Variants in EYA4 observed in about 807,000 individuals in gnomAD.
EYA4 encodes the protein EYA transcriptional coactivator and phosphatase 4.
Under a neutral mutation model 87.9 loss-of-function variants are expected in EYA4, and 31 were observed. That is an observed-to-expected ratio of 0.35 (90% CI 0.27 to 0.48). The LOEUF is 0.48. Ranked by LOEUF, EYA4 falls within the 20% of genes least tolerant of loss-of-function variation. The probability of loss-of-function intolerance (pLI) is 0.99; values close to 1 mark genes in which losing one functional copy is unlikely to be tolerated. For missense variants in EYA4, 678 were observed against 761.4 expected (o/e 0.89, Z 1.29); for synonymous variants, 263 against 270.6 (o/e 0.97, Z 0.28).
intron 2 of EYA4, among the ~76,000 whole-genome samples, chr6:133,353,204 A>T (rs1337071443): frequency 6.6e-6 from 1 of 152,040 alleles, no homozygotes; most frequent in African/African-American, 2.4e-5. Context: ...TGTCTACTTG[A>T]CCCATAAGTT....
intron 2 of EYA4, among the ~76,000 whole-genome samples, chr6:133,318,418 G>A (rs918166923): frequency 1.2e-4 from 18 of 152,170 alleles, no homozygotes; most frequent in Admixed American, 8.5e-4. Context: ...ATTTGCCGGT[G>A]GAGGTAAACA....
At chr6:133,389,484 G>T (rs1389122041) in intron 3 of EYA4, among the ~76,000 whole-genome samples, 1 of 152,154 alleles carries the variant, frequency 6.6e-6, no homozygotes. Context: ...ATACAGCACA[G>T]GGCCTAGCAC....
At chr6:133,381,075 CTTTT>C (rs5880181) in intron 2 of EYA4, among the ~76,000 whole-genome samples, 11 of 96,840 alleles carry the variant, frequency 1.1e-4, no homozygotes, top group Non-Finnish European at 1.9e-4. Context: ...TTTTTTTTTT[CTTTT>C]TTTTTTTTTT....
At chr6:133,273,601 A>G (rs1776917230) in intron 1 of EYA4, among the ~76,000 whole-genome samples, 2 of 152,198 alleles carry the variant, frequency 1.3e-5, no homozygotes, top group Non-Finnish European at 2.9e-5. Context: ...TGTGACTTCA[A>G]TGATTATGTT....
intron 3 of EYA4, among the ~76,000 whole-genome samples, chr6:133,429,732 C>T (rs551491645): frequency 9.9e-5 from 15 of 152,098 alleles, no homozygotes; most frequent in Non-Finnish European, 2.1e-4. Flanking sequence ...CTTTGAGTGA[C>T]CAGTTGTATG....
chr6:133,431,120 G>T (rs1165410056), intron 3 of EYA4, among the ~76,000 whole-genome samples: 1 of 152,154 alleles, frequency 6.6e-6, no homozygotes, highest in Non-Finnish European at 1.5e-5. Flanking sequence ...GGGGAGATGG[G>T]ATGTAGGGAA....
chr6:133,483,524 A>G (rs755409619), intron 13 of EYA4, among the ~76,000 whole-genome samples: 1 of 151,988 alleles, frequency 6.6e-6, no homozygotes, highest in Non-Finnish European at 1.5e-5. Flanking sequence ...TTCGTCTGAC[A>G]GATCTTTTGG....
chr6:133,461,060 T>C, intron 6 of EYA4, 54 bp from the exon 7 acceptor site: 3 of 1,144,220 alleles, frequency 2.6e-6, no homozygotes, highest in Non-Finnish European at 4.0e-6. Context: ...TACACTCTAG[T>C]GAAATGTATT....
chr6:133,292,829 G>A (rs1778597471), intron 2 of EYA4, among the ~76,000 whole-genome samples: 1 of 152,140 alleles, frequency 6.6e-6, no homozygotes, highest in Non-Finnish European at 1.5e-5. Flanking sequence ...CAACCCTTTG[G>A]CAGAGTGTTT....
intron 12 of EYA4, among the ~76,000 whole-genome samples, chr6:133,482,035 AAGTTTCAATC>A (rs1477659975): frequency 1.3e-5 from 2 of 152,244 alleles, no homozygotes; most frequent in African/African-American, 4.8e-5. Flanking sequence ...AAAATAGGAC[AAGTTTCAATC>A]ACTTAATAGT....
rs542791924 is a variant in EYA4, at chr6:133,526,041, C to T, written c.1839+787C>T. ...TTTTAATAAGCCTTTTCATCTGGCC[C>T]GTATTTCTGAAGAAGAAACCAAGGC... On this transcript the variant is annotated intron_variant, in intron 19 of 19. Transcript: ENST00000355286. 1.0e-4 allele frequency: 37 copies of T among 354,252 alleles called. No homozygotes were observed. The East Asian group carries it at 1.2e-3, about 11-fold the overall frequency. The allele number at this position is 354,252 out of a possible 1,614,324, so 21.9% of individuals were successfully genotyped here. A position where few individuals can be genotyped will look rare whatever the true frequency, so the allele number is the denominator to read the frequency against.
chr6:133,391,216 GTTTTTGTTT>G (rs1240284859), intron 3 of EYA4, among the ~76,000 whole-genome samples: 4 of 68,954 alleles, frequency 5.8e-5, no homozygotes, highest in Non-Finnish European at 1.4e-4. Flanking sequence ...TTTGGGTTTT[GTTTTTGTTT>G]TTTTTTTTTT....
intron 2 of EYA4, among the ~76,000 whole-genome samples, chr6:133,280,816 G>T (rs1184631747): frequency 6.6e-6 from 1 of 152,086 alleles, no homozygotes; most frequent in Non-Finnish European, 1.5e-5. Context: ...CAATTTTAGA[G>T]GATTTTTAAT....
intron 13 of EYA4, among the ~76,000 whole-genome samples, chr6:133,495,048 C>G (rs1376438258): frequency 6.6e-6 from 1 of 152,078 alleles, no homozygotes; most frequent in Non-Finnish European, 1.5e-5. Flanking sequence ...GTGGGCAGAT[C>G]ATCTGAGGTC....
rs1260772418 is a variant in EYA4, at chr6:133,515,310, T to C, written c.1502-11T>C. 1 of 1,460,204 alleles carries C rather than the reference T, an allele frequency of 6.8e-7. No homozygotes were observed. Among genetic ancestry groups the C allele is most frequent in the Non-Finnish European group, 9.6e-7 (1 of 1,039,306 alleles). The allele number at this position is 1,460,204 out of a possible 1,614,324, so 90.5% of individuals were successfully genotyped here. A position where few individuals can be genotyped will look rare whatever the true frequency, so the allele number is the denominator to read the frequency against. On this transcript the variant is annotated splice_polypyrimidine_tract_variant and intron_variant, in intron 16 of 19. Transcript: ENST00000355286. ...ATCTCTCGACTCTGCCTTGGTTTTT[T>C]GGTGTTGCAGGACTCCTTGGCCCTG...
chr6:133,296,290 C>G (rs1778938908), intron 2 of EYA4, among the ~76,000 whole-genome samples: 1 of 152,248 alleles, frequency 6.6e-6, no homozygotes, highest in East Asian at 1.9e-4. Flanking sequence ...AACCTGTAGA[C>G]CTTGGTCAGG....
chr6:133,335,579 G>T (rs1331543218), intron 2 of EYA4, among the ~76,000 whole-genome samples: 1 of 152,124 alleles, frequency 6.6e-6, no homozygotes, highest in African/African-American at 2.4e-5. Context: ...TGCAGAGTTA[G>T]GTAAGTAGTT....
At chr6:133,489,132 T>C (rs2128723756) in intron 13 of EYA4, among the ~76,000 whole-genome samples, 1 of 152,258 alleles carries the variant, frequency 6.6e-6, no homozygotes. Context: ...ATGAGTCTCT[T>C]AACAGCAGAA....
In EYA4 at chr6:133,506,177, GT is replaced by G; in HGVS notation, c.1269del (p.Phe423LeufsTer4). On this transcript the variant is annotated frameshift_variant, in exon 14 of 20. Transcript: ENST00000355286. LOFTEE classifies it high-confidence loss of function. ...MIFNLADTHL[F>X]FNDLEECDQV... is the part of the protein sequence containing the mutation. The stretch of plus-strand genomic sequence containing the variant: ...TTTTTAATCTTGCTGATACTCATTT[GT>G]TTTTTAATGATTTAGAGGTAAGAAT... The G allele has an allele frequency of 6.2e-7, 1 of 1,600,426 alleles. No homozygotes were observed. The highest frequency in any genetic ancestry group is 8.6e-7 in the Non-Finnish European group (1 of 1,167,728).
Sources: allele counts gnomAD v4.1 joint callset (sites outside exome capture counted in the v4.1 genomes callset), GRCh38; gene constraint gnomAD v4.1.1; transcripts MANE v1.5; gene names NCBI Gene and HGNC (gene_info 2026-07-23, HGNC 2026-07-21).